RAPH1: variants seen among roughly 807,000 people sequenced by gnomAD.
RAPH1 encodes Ras association (RalGDS/AF-6) and pleckstrin homology domains 1, also known as ras-associated and pleckstrin homology domains-containing protein 1.
Under a neutral mutation model 88.1 loss-of-function variants are expected in RAPH1, and 18 were observed. That is an observed-to-expected ratio of 0.20 (90% CI 0.14 to 0.30). The LOEUF is 0.30. RAPH1 is among the 10% of genes least tolerant of loss of function. RAPH1 has a pLI of 1.00. For missense variants in RAPH1, 1,448 were observed against 1,543.2 expected (o/e 0.94, Z 1.03); for synonymous variants, 587 against 559.0 (o/e 1.05, Z -0.71).
chr2:203,461,870 A>AT lies in RAPH1; in HGVS notation c.787dup (p.Ile263AsnfsTer2). On this transcript the variant is annotated frameshift_variant, in exon 5 of 14. Coordinates refer to ENST00000319170, the MANE Select transcript of RAPH1 (RefSeq NM_213589.3). LOFTEE classifies it high-confidence loss of function. ...CACCTTTTTCACTTGTGCCTCTTTAATTTTCTCTAGGGCAACTCTGATCTT... is the reference window on the plus strand; with the variant it reads ...CACCTTTTTCACTTGTGCCTCTTTAATTTTTCTCTAGGGCAACTCTGATCTT... 6.2e-7 allele frequency: 1 copy of AT among 1,608,228 alleles called. No homozygotes were observed. Among genetic ancestry groups the AT allele is most frequent in the Non-Finnish European group, 8.5e-7 (1 of 1,177,312 alleles).
intron 1 of RAPH1, among the ~76,000 whole-genome samples, chr2:203,496,401 T>C (rs1051353190): frequency 5.9e-5 from 9 of 152,078 alleles, no homozygotes; most frequent in African/African-American, 2.2e-4. Flanking sequence ...GACATGGAAC[T>C]TGCACATTAT....
In RAPH1 at chr2:203,448,142, G is replaced by A; in HGVS notation, c.1513-63C>T. 6.7e-7 allele frequency: 1 copy of A among 1,497,268 alleles called. No individual in the cohort carries two copies. Among genetic ancestry groups the A allele is most frequent in the Non-Finnish European group, 9.2e-7 (1 of 1,089,740 alleles). 92.7% of individuals were successfully genotyped at this position (1,497,268 alleles called of 1,614,324 possible). A position where few individuals can be genotyped will look rare whatever the true frequency, so the allele number is the denominator to read the frequency against. The stretch of plus-strand genomic sequence containing the variant: ...ACTGAGTATGATACAGAAGGATAAG[G>A]TGAAATGGGGGACATATTTCTGTTT... On this transcript the variant is annotated intron_variant, in intron 11 of 13. Transcript: ENST00000319170. This position sits in a 1 kb window ranked among gnomAD's most constrained non-coding sequence, Gnocchi z 4.1.
At position 203,506,895 on chromosome 2, in the gene RAPH1, TATA is replaced by T. The variant is rs1559495196; in HGVS notation, c.1-11545_1-11543del. On this transcript the variant is annotated intron_variant, in intron 1 of 13. Coordinates refer to ENST00000319170, the MANE Select transcript of RAPH1 (RefSeq NM_213589.3). Reference sequence around the variant, plus strand: ...ATATATATATAGATATATATATATATATATTTTTTTTTTTTTTGAGATGAACTT... The same window carrying T: ...ATATATATATAGATATATATATATATTTTTTTTTTTTTTTGAGATGAACTT... Among the ~76,000 whole-genome samples the T allele has an allele frequency of 1.3e-4, 15 of 111,848 alleles. 2 individuals are homozygous for T. Among genetic ancestry groups the T allele is most frequent in the Admixed American group, 3.8e-4 (4 of 10,634 alleles). The allele number at this position is 111,848 out of a possible 152,430, so 73.4% of individuals were successfully genotyped here.
chr2:203,467,637 G>C (rs927864398), intron 4 of RAPH1, among the ~76,000 whole-genome samples: 1 of 151,984 alleles, frequency 6.6e-6, no homozygotes, highest in Non-Finnish European at 1.5e-5. Context: ...GCTATATACA[G>C]GAGGACTTTT....
rs778957262 is a variant in RAPH1 at position 203,440,457 on chromosome 2, G to A, written c.2733C>T (p.Val911=). The change falls in exon 14 of 14, where the codon GTC becomes GTT. Residue 911 remains valine (V), a synonymous_variant. Transcript: ENST00000319170. ...KPKWQPSSIP[V]PSPDFPPPPP... is the part of the protein sequence containing the mutation. ...GGGGAGGAGGGAAGTCCGGAGAAGG[G>A]ACTGGGATGGAGCTGGGCTGCCACT... 34 of 1,543,112 alleles carry A rather than the reference G, an allele frequency of 2.2e-5. No individual in the cohort carries two copies. The highest frequency in any genetic ancestry group is 2.8e-5 in the Non-Finnish European group (32 of 1,147,034).
At chr2:203,501,623 T>C (rs1688742837) in intron 1 of RAPH1, among the ~76,000 whole-genome samples, 1 of 152,054 alleles carries the variant, frequency 6.6e-6, no homozygotes, top group Non-Finnish European at 1.5e-5. Flanking sequence ...AACATAATTT[T>C]ATAACTTTTG....
chr2:203,530,127 A>G (rs1394232065), intron 1 of RAPH1, among the ~76,000 whole-genome samples: 1 of 152,250 alleles, frequency 6.6e-6, no homozygotes, highest in Non-Finnish European at 1.5e-5. Flanking sequence ...CATAAGTGAT[A>G]TAGTTTAAGA....
chr2:203,437,847 T>C lies in RAPH1; in HGVS notation c.*1590A>G, dbSNP rs1483647511. On this transcript the variant is annotated 3_prime_UTR_variant, in exon 14 of 14. Coordinates refer to ENST00000319170, the MANE Select transcript of RAPH1 (RefSeq NM_213589.3). The stretch of plus-strand genomic sequence containing the variant: ...AGTTTGCATTGGTAATCATTAACAA[T>C]AGGCACAGACTTTCATTACAAGATG... The C allele has an allele frequency of 4.7e-6, 1 of 213,932 alleles. No homozygotes were observed. Among genetic ancestry groups the C allele is most frequent in the Non-Finnish European group, 9.4e-6 (1 of 106,378 alleles). The allele number at this position is 213,932 out of a possible 1,614,324, so 13.3% of individuals were successfully genotyped here. A position where few individuals can be genotyped will look rare whatever the true frequency, so the allele number is the denominator to read the frequency against.
At chr2:203,460,075 T>C (rs753244265) in intron 6 of RAPH1, 47 bp from the exon 7 acceptor site, 1 of 1,532,496 alleles carries the variant, frequency 6.5e-7, no homozygotes, top group Admixed American at 2.0e-5. Flanking sequence ...TCATTAGAGT[T>C]GCATGAAAGA....
At chr2:203,479,962 A>G (rs1382936584) in intron 4 of RAPH1, among the ~76,000 whole-genome samples, 3 of 151,786 alleles carry the variant, frequency 2.0e-5, no homozygotes, top group Non-Finnish European at 2.9e-5. Context: ...AATACGTAAC[A>G]AAAATGTCCA....
At chr2:203,501,504 C>T (rs1022279261) in intron 1 of RAPH1, among the ~76,000 whole-genome samples, 2 of 152,138 alleles carry the variant, frequency 1.3e-5, no homozygotes, top group Non-Finnish European at 2.9e-5. Flanking sequence ...TGGTGGCTCA[C>T]GCCAGTAATC....
intron 1 of RAPH1, among the ~76,000 whole-genome samples, chr2:203,512,621 C>CT (rs1201403582): frequency 0.045 from 5,603 of 125,870 alleles, 631 homozygotes; most frequent in African/African-American, 0.15. Flanking sequence ...CATCCCTTAC[C>CT]TTTTTTTTTT....
At position 203,490,062 on chromosome 2, in the gene RAPH1, T is replaced by G; in HGVS notation, c.254A>C (p.Asp85Ala). 1 of 1,612,534 alleles carries G rather than the reference T, an allele frequency of 6.2e-7. No individual in the cohort carries two copies. The highest frequency in any genetic ancestry group is 8.5e-7 in the Non-Finnish European group (1 of 1,178,756). The change falls in exon 4 of 14, where the codon GAT becomes GCT. Residue 85 changes from aspartate to alanine, a missense_variant. Physicochemically the swap from Asp to Ala is moderately radical, Grantham distance 126. Coordinates refer to ENST00000319170, the MANE Select transcript of RAPH1 (RefSeq NM_213589.3). ...AAGATCAGCCATCAAGGCATCCAGATCCACAGTCTCTCCCTGATTCAGAGC... is the reference window on the plus strand; with the variant it reads ...AAGATCAGCCATCAAGGCATCCAGAGCCACAGTCTCTCCCTGATTCAGAGC... ...NEALNQGETV[D>A]LDALMADLCS... is the part of the protein sequence containing the mutation.
At chr2:203,486,756 T>C (rs1470717491) in intron 4 of RAPH1, among the ~76,000 whole-genome samples, 1 of 152,220 alleles carries the variant, frequency 6.6e-6, no homozygotes, top group Non-Finnish European at 1.5e-5. Context: ...TAAGCTTGCC[T>C]CAGTTTACTT....
chr2:203,518,707 G>C (rs79424955), intron 1 of RAPH1, among the ~76,000 whole-genome samples: 5,515 of 152,002 alleles, frequency 0.036, 321 homozygotes, highest in African/African-American at 0.12. Flanking sequence ...AATTAGCTGA[G>C]TATGATAGCA....
intron 10 of RAPH1, among the ~76,000 whole-genome samples, chr2:203,451,977 T>C (rs556189930): frequency 6.6e-6 from 1 of 152,372 alleles, no homozygotes; most frequent in South Asian, 2.1e-4. Flanking sequence ...ATCCCTCTTC[T>C]GCTGGCTGGA....
At chr2:203,472,430 C>G (rs2098534006) in intron 4 of RAPH1, among the ~76,000 whole-genome samples, 1 of 152,184 alleles carries the variant, frequency 6.6e-6, no homozygotes, top group African/African-American at 2.4e-5. Context: ...CTGTGCCCAG[C>G]CACGTTTCTT....
intron 12 of RAPH1, 35 bp from the exon 13 acceptor site, chr2:203,445,045 A>G: frequency 1.3e-6 from 2 of 1,596,526 alleles, no homozygotes; most frequent in Non-Finnish European, 1.7e-6. Flanking sequence ...TAGGTTTAAA[A>G]GAGTCAGTAT....
At chr2:203,494,650 A>T (rs1409409488) in intron 2 of RAPH1, among the ~76,000 whole-genome samples, 1 of 151,994 alleles carries the variant, frequency 6.6e-6, no homozygotes, top group Non-Finnish European at 1.5e-5. Context: ...CTACTAAAAA[A>T]TACAAAAAAT....
Sources: allele counts gnomAD v4.1 joint callset (sites outside exome capture counted in the v4.1 genomes callset), GRCh38; gene constraint gnomAD v4.1.1; non-coding constraint Gnocchi (gnomAD v3.1); transcripts MANE v1.5; gene names NCBI Gene and HGNC (gene_info 2026-07-23, HGNC 2026-07-21).